Variants in NANOS3 observed in about 807,000 individuals in gnomAD.
NANOS3 encodes the protein nanos C2HC-type zinc finger 3, also known as nanos homolog 3.
Under a neutral mutation model 13.8 loss-of-function variants are expected in NANOS3, and 11 were observed. The observed-to-expected ratio is 0.80, with a 90% confidence interval of 0.50 to 1.32. NANOS3 has a LOEUF of 1.32. Among genes scored for constraint, NANOS3 ranks in the 40% most tolerant of loss-of-function variants. The pLI is 0.00. For synonymous variants in NANOS3, 119 were observed against 115.4 expected (o/e 1.03, Z -0.20); for missense variants, 221 against 263.8 (o/e 0.84, Z 1.12).
Position 13,880,514 on chromosome 19 carries a change from A to G in NANOS3, c.*11A>G. On this transcript the variant is annotated 3_prime_UTR_variant, in exon 2 of 2. Transcript: ENST00000339133. ...TCCATGTCCACCTAGGAGGCTGCCT[A>G]CACCTGGGCAAGGGCACCCGGGCTC... The G allele has an allele frequency of 6.2e-7, 1 of 1,612,810 alleles. No individual in the cohort carries two copies. Among genetic ancestry groups the G allele is most frequent in the Admixed American group, 1.7e-5 (1 of 59,918 alleles).
At chr19:13,879,923 G>C (rs1390198426) in intron 1 of NANOS3, among the ~76,000 whole-genome samples, 1 of 152,156 alleles carries the variant, frequency 6.6e-6, no homozygotes, top group African/African-American at 2.4e-5. Flanking sequence ...CTACTCGGGG[G>C]GCTGAGACAG....
chr19:13,875,453 C>T (rs1968491397), upstream of NANOS3, among the ~76,000 whole-genome samples: 1 of 151,574 alleles, frequency 6.6e-6, no homozygotes, highest in African/African-American at 2.4e-5. Context: ...TCCCAAAGTG[C>T]TGGGATTACA....
chr19:13,874,132 T>C (rs531164320), upstream of NANOS3, among the ~76,000 whole-genome samples: 15 of 152,250 alleles, frequency 9.9e-5, no homozygotes, highest in African/African-American at 3.6e-4. Context: ...GCCTCTCCCC[T>C]GTCTAGTGGG....
At chr19:13,876,737 C>T (rs1032179064), upstream of NANOS3, among the ~76,000 whole-genome samples, 3 of 152,220 alleles carry the variant, frequency 2.0e-5, no homozygotes, top group Admixed American at 6.5e-5. Flanking sequence ...GCCACTCCCC[C>T]GCCCAGGGGA....
At chr19:13,876,522 C>T (rs1221432892), upstream of NANOS3, among the ~76,000 whole-genome samples, 1 of 152,164 alleles carries the variant, frequency 6.6e-6, no homozygotes, top group Admixed American at 6.6e-5. Flanking sequence ...TTTGCTCATC[C>T]ATTCAATGGG....
chr19:13,866,848 TCA>T lies in NANOS3; in HGVS notation n.21+1414_21+1415del, dbSNP rs113193848. Among the ~76,000 whole-genome samples, 1,484 of 152,054 alleles carry T rather than the reference TCA, an allele frequency of 9.8e-3. 40 individuals are homozygous for T. Among genetic ancestry groups the T allele is most frequent in the African/African-American group, 0.034 (1,409 of 41,452 alleles). ...CCCAACCAAGTTCACACCTGCACAC[TCA>T]CAGTCACCCACAGTCACCCCCACCA... On this transcript the variant is annotated intron_variant and non_coding_transcript_variant, in intron 1 of 2. Transcript: ENST00000591161.
chr19:13,879,012 GCTCACTGCAACCTGT>G (rs1310032116), intron 1 of NANOS3, among the ~76,000 whole-genome samples: 1 of 150,774 alleles, frequency 6.6e-6, no homozygotes, highest in Non-Finnish European at 1.5e-5. Flanking sequence ...CGCGATCTTG[GCTCACTGCAACCTGT>G]CTCCCGGGTT....
At chr19:13,873,382 T>C (rs1968435835), upstream of NANOS3, among the ~76,000 whole-genome samples, 1 of 150,872 alleles carries the variant, frequency 6.6e-6, no homozygotes, top group Admixed American at 6.6e-5. Context: ...TCGGCACACT[T>C]GGGGGTCCCT....
At chr19:13,876,022 C>T (rs1303099946), upstream of NANOS3, among the ~76,000 whole-genome samples, 1 of 152,176 alleles carries the variant, frequency 6.6e-6, no homozygotes, top group Non-Finnish European at 1.5e-5. Flanking sequence ...CCCCCACCTC[C>T]CAACTCCAGA....
chr19:13,877,718 C>T lies in NANOS3; in HGVS notation c.470C>T (p.Ala157Val), dbSNP rs1342047244. Residue 157 changes from alanine to valine, a missense_variant, in exon 1 of 2, where the codon GCG becomes GTG. Physicochemically the swap from Ala to Val is moderately conservative, Grantham distance 64 (BLOSUM62 0). Transcript: ENST00000339133. ...AAGAAGCTGGTCCGGCCTGACAAGG[C>T]GAAGACACAGGACACAGGCCACCGC... ...AGKKLVRPDK[A>V]KTQDTGHRRG... The T allele has an allele frequency of 5.0e-6, 8 of 1,601,730 alleles. No individual in the cohort carries two copies. Among genetic ancestry groups the T allele is most frequent in the Non-Finnish European group, 6.0e-6 (7 of 1,175,504 alleles).
intron 1 of NANOS3, among the ~76,000 whole-genome samples, chr19:13,867,603 C>T (rs534071058): frequency 6.6e-6 from 1 of 152,014 alleles, no homozygotes; most frequent in South Asian, 2.1e-4. Flanking sequence ...GCTCTGTCAC[C>T]CAGACTGGAG....
chr19:13,869,592 C>G lies in NANOS3; in HGVS notation n.21+4155C>G, dbSNP rs1484965798. 5.3e-5 allele frequency among the ~76,000 whole-genome samples: 8 copies of G among 151,910 alleles called. No individual in the cohort carries two copies. In the East Asian group the frequency reaches 1.6e-3, roughly 29 times the overall value. On this transcript the variant is annotated intron_variant and non_coding_transcript_variant, in intron 1 of 2. Transcript: ENST00000591161. ...AGAGCCCACGCAGGTATCACTGAAA[C>G]GAGACACCCCTGCTTGCCAGTCTAG...
At chr19:13,873,794 G>A (rs1170658132), upstream of NANOS3, among the ~76,000 whole-genome samples, 1 of 151,962 alleles carries the variant, frequency 6.6e-6, no homozygotes, top group Admixed American at 6.6e-5. Flanking sequence ...TTCCTAGGCC[G>A]TCCGCAGACC....
At chr19:13,873,633 C>T (rs1193611672), upstream of NANOS3, among the ~76,000 whole-genome samples, 2 of 152,088 alleles carry the variant, frequency 1.3e-5, no homozygotes, top group African/African-American at 4.8e-5. Context: ...CACTACACCA[C>T]ACCCAGCTAA....
At chr19:13,872,764 A>G (rs923801658), upstream of NANOS3, among the ~76,000 whole-genome samples, 1 of 152,108 alleles carries the variant, frequency 6.6e-6, no homozygotes, top group Non-Finnish European at 1.5e-5. Flanking sequence ...CCACAGCCTG[A>G]ATGGGAGGAT....
At chr19:13,873,520 A>G (rs1968438404), upstream of NANOS3, among the ~76,000 whole-genome samples, 2 of 152,134 alleles carry the variant, frequency 1.3e-5, no homozygotes, top group African/African-American at 2.4e-5. Flanking sequence ...CCAGGCTGGA[A>G]TACAGTGGCG....
rs757667757 is a variant in NANOS3, at chr19:13,877,594, G to A, written c.346G>A (p.Gly116Ser). The A allele has an allele frequency of 7.4e-6, 12 of 1,612,018 alleles. No homozygotes were observed. Among genetic ancestry groups the A allele is most frequent in the African/African-American group, 1.3e-5 (1 of 74,950 alleles). Residue 116 changes from glycine to serine, a missense_variant, in exon 1 of 2, where the codon GGC (glycine) becomes AGC (serine). This residue lies in a region of NANOS3 where 49 missense variants were observed against 91.0 expected (regional missense o/e 0.54). Coordinates refer to ENST00000339133, the MANE Select transcript of NANOS3 (RefSeq NM_001098622.3). The stretch of plus-strand genomic sequence containing the variant: ...GCGGGACTACGTGTGTCCCCAGTGC[G>A]GCGCCACACGTGAGCGCGCCCACAC... ...ILRDYVCPQC[G>S]ATRERAHTRR... is the part of the protein sequence containing the mutation.
upstream of NANOS3, among the ~76,000 whole-genome samples, chr19:13,863,942 C>T (rs928489647): frequency 2.0e-5 from 3 of 152,016 alleles, no homozygotes; most frequent in African/African-American, 4.8e-5. Flanking sequence ...AGGGCCATGG[C>T]CCCATAAGGG....
chr19:13,867,025 C>T (rs1055119843), intron 1 of NANOS3, among the ~76,000 whole-genome samples: 1 of 152,166 alleles, frequency 6.6e-6, no homozygotes, highest in East Asian at 1.9e-4. Flanking sequence ...TGCCGTGGCA[C>T]GATCTCCCGG....
Sources: allele counts gnomAD v4.1 joint callset (sites outside exome capture counted in the v4.1 genomes callset), GRCh38; gene constraint gnomAD v4.1.1; regional missense constraint gnomAD v4.1.1; transcripts MANE v1.5; gene names NCBI Gene and HGNC (gene_info 2026-07-23, HGNC 2026-07-21).